VAV3: variants seen among roughly 807,000 people sequenced by gnomAD.
VAV3 encodes the protein vav guanine nucleotide exchange factor 3, also known as guanine nucleotide exchange factor VAV3.
VAV3 carries 94 observed loss-of-function variants against 131.2 expected under a neutral mutation model. That is an observed-to-expected ratio of 0.72 (90% confidence interval 0.61 to 0.85). VAV3 has a LOEUF of 0.85. Among genes scored for constraint, VAV3 ranks in the 40% least tolerant of loss-of-function variants. VAV3 has a pLI of 0.00. For missense variants in VAV3, 939 were observed against 1,002.7 expected (o/e 0.94, Z 0.86); for synonymous variants, 349 against 342.0 (o/e 1.02, Z -0.22).
rs1447068462 is a variant in VAV3 at position 107,751,080 on chromosome 1, A to C, written c.1259+37T>G. The C allele has an allele frequency of 1.9e-6, 3 of 1,579,550 alleles. No homozygotes were observed. The African/African-American group carries it at 4.1e-5, about 22-fold the overall frequency. ...AGGTTTTCTCAGTTTTCTGACACTA[A>C]TTACTTATTTTGAAAATAGTATTCT... is the stretch of plus-strand genomic sequence containing the variant. On this transcript the variant is annotated intron_variant, in intron 13 of 26. Coordinates refer to ENST00000370056, the MANE Select transcript of VAV3 (RefSeq NM_006113.5).
At chr1:107,579,212 AG>A (rs1402853347) in intron 25 of VAV3, among the ~76,000 whole-genome samples, 1 of 152,246 alleles carries the variant, frequency 6.6e-6, no homozygotes, top group Non-Finnish European at 1.5e-5. Flanking sequence ...CCTCACAGTT[AG>A]GCTTTGGCCC....
At chr1:107,683,831 C>T (rs1046815661) in intron 18 of VAV3, among the ~76,000 whole-genome samples, 2 of 152,078 alleles carry the variant, frequency 1.3e-5, no homozygotes, top group Non-Finnish European at 2.9e-5. Flanking sequence ...GTCATAGTGA[C>T]GATGGAGAGA....
intron 20 of VAV3, among the ~76,000 whole-genome samples, chr1:107,625,811 T>G (rs551176865): frequency 4.9e-4 from 75 of 152,328 alleles, no homozygotes; most frequent in African/African-American, 1.8e-3. Context: ...CATGCATACT[T>G]TACTGAAACC....
chr1:107,778,997 G>C (rs1342528493), intron 3 of VAV3, among the ~76,000 whole-genome samples: 2 of 151,826 alleles, frequency 1.3e-5, no homozygotes, highest in Non-Finnish European at 2.9e-5. Context: ...ACACATTCTT[G>C]TACACATGTT....
At chr1:107,853,591 T>A (rs1316668744) in intron 2 of VAV3, among the ~76,000 whole-genome samples, 2 of 150,866 alleles carry the variant, frequency 1.3e-5, no homozygotes, top group Non-Finnish European at 3.0e-5. Flanking sequence ...AAAAAAAAAA[T>A]TCATTTATAG....
chr1:107,801,599 CTAT>C (rs1013315320), intron 2 of VAV3, among the ~76,000 whole-genome samples: 33 of 152,274 alleles, frequency 2.2e-4, no homozygotes, highest in African/African-American at 7.9e-4. Flanking sequence ...CACTCATAGA[CTAT>C]TGAGTGTTCA....
chr1:107,845,095 C>T (rs564133509), intron 2 of VAV3, among the ~76,000 whole-genome samples: 2 of 152,206 alleles, frequency 1.3e-5, no homozygotes, highest in Non-Finnish European at 2.9e-5. Flanking sequence ...TGGGACGAAG[C>T]TTCCAGAGAA....
At chr1:107,912,437 C>G (rs1292801154) in intron 1 of VAV3, among the ~76,000 whole-genome samples, 3 of 152,054 alleles carry the variant, frequency 2.0e-5, no homozygotes, top group Non-Finnish European at 1.5e-5. Context: ...AAGGCTTATC[C>G]TCTGATTTTT....
intron 15 of VAV3, among the ~76,000 whole-genome samples, chr1:107,739,293 C>T (rs1662867485): frequency 6.6e-6 from 1 of 152,306 alleles, no homozygotes; most frequent in East Asian, 1.9e-4. Context: ...AATACTTTCG[C>T]ATGTTTCCGG....
At chr1:107,740,985 T>C (rs1399314460) in intron 15 of VAV3, among the ~76,000 whole-genome samples, 1 of 152,070 alleles carries the variant, frequency 6.6e-6, no homozygotes, top group Non-Finnish European at 1.5e-5. Flanking sequence ...ATTTAAACAT[T>C]TGAGAAGATC....
Position 107,722,507 on chromosome 1 carries a change from C to T in VAV3, c.1503-17446G>A, listed in dbSNP as rs1156722573. On this transcript the variant is annotated intron_variant, in intron 15 of 26. Transcript: ENST00000370056. ...CCAGTGAGTCTCAAGAAAGAAAATA[C>T]AACCACCCTCAAAAAATATTTTCAA... is the stretch of plus-strand genomic sequence containing the variant. 2.0e-5 allele frequency among the ~76,000 whole-genome samples: 3 copies of T among 152,180 alleles called. No homozygotes were observed. The South Asian group carries it at 6.2e-4, about 32-fold the overall frequency.
intron 19 of VAV3, among the ~76,000 whole-genome samples, chr1:107,656,432 G>C (rs1413226883): frequency 6.6e-6 from 1 of 152,132 alleles, no homozygotes; most frequent in Non-Finnish European, 1.5e-5. Context: ...TGAAGATAGA[G>C]TATATTCATG....
rs116558345 is a variant in VAV3 at position 107,949,986 on chromosome 1, C to T, written c.204+14680G>A. On this transcript the variant is annotated intron_variant, in intron 1 of 26. Coordinates refer to ENST00000370056, the MANE Select transcript of VAV3 (RefSeq NM_006113.5). Reference sequence around the variant, plus strand: ...CATAACATTACTGAAAACAGGCTTGCAAAAATAAGCAGATGCTGTGAGCTG... The same window carrying T: ...CATAACATTACTGAAAACAGGCTTGTAAAAATAAGCAGATGCTGTGAGCTG... Among the ~76,000 whole-genome samples the T allele has an allele frequency of 5.4e-3, 820 of 152,200 alleles. 15 individuals are homozygous for T. The highest frequency in any genetic ancestry group is 0.019 in the African/African-American group (784 of 41,514).
At chr1:107,876,642 C>A (rs547462786) in intron 1 of VAV3, among the ~76,000 whole-genome samples, 1 of 152,194 alleles carries the variant, frequency 6.6e-6, no homozygotes, top group South Asian at 2.1e-4. Flanking sequence ...AAGGCAGACA[C>A]TACTGACTAC....
rs762210994 is a variant in VAV3 at position 107,683,449 on chromosome 1, C to G, written c.1777+39G>C. The G allele has an allele frequency of 2.5e-6, 4 of 1,610,834 alleles. No homozygotes were observed. In the East Asian group the frequency reaches 8.9e-5, roughly 36 times the overall value. On this transcript the variant is annotated intron_variant, in intron 19 of 26. Coordinates refer to ENST00000370056, the MANE Select transcript of VAV3 (RefSeq NM_006113.5). The stretch of plus-strand genomic sequence containing the variant: ...CCCATATCCTTTCATAAGCACTTAG[C>G]TGAAGCCATAATTATGGAAGGTTTA...
intron 22 of VAV3, 51 bp from the exon 23 acceptor site, chr1:107,603,214 C>G: frequency 7.2e-7 from 1 of 1,386,602 alleles, no homozygotes; most frequent in Non-Finnish European, 1.0e-6. Context: ...TGGAAGAGAA[C>G]AGAGGCTAAA....
Position 107,596,829 on chromosome 1 carries a change from G to A in VAV3, c.2221-488C>T, listed in dbSNP as rs116611525. On this transcript the variant is annotated intron_variant, in intron 24 of 26. Coordinates refer to ENST00000370056, the MANE Select transcript of VAV3 (RefSeq NM_006113.5). ...AAACAAAAGTTGATAAAGCACAAATGGTACTTGAGACTGTTTTTAGTTTCT... is the reference window on the plus strand; with the variant it reads ...AAACAAAAGTTGATAAAGCACAAATAGTACTTGAGACTGTTTTTAGTTTCT... 4.8e-3 allele frequency among the ~76,000 whole-genome samples: 728 copies of A among 152,264 alleles called. 6 individuals carry two copies. The highest frequency in any genetic ancestry group is 6.7e-3 in the Non-Finnish European group (454 of 68,010).
At chr1:107,777,088 G>A in intron 4 of VAV3, 143 bp downstream of exon 4, 2 of 731,458 alleles carry the variant, frequency 2.7e-6, no homozygotes, top group South Asian at 3.3e-5. Flanking sequence ...TTCTTGTAAA[G>A]CTTTCCATCG....
chr1:107,806,052 T>C (rs1667047028), intron 2 of VAV3, among the ~76,000 whole-genome samples: 1 of 152,174 alleles, frequency 6.6e-6, no homozygotes, highest in African/African-American at 2.4e-5. Flanking sequence ...TGGCATCTCC[T>C]TTGGCCAAGT....
Sources: allele counts gnomAD v4.1 joint callset (sites outside exome capture counted in the v4.1 genomes callset), GRCh38; gene constraint gnomAD v4.1.1; transcripts MANE v1.5; gene names NCBI Gene and HGNC (gene_info 2026-07-23, HGNC 2026-07-21).